The following AHI1 variants were observed in gnomAD, a reference collection of about 807,000 sequenced individuals.
The protein encoded by AHI1 is jouberin.
A neutral mutation model predicts 149.3 loss-of-function variants in AHI1; 123 were observed. That is an observed-to-expected ratio of 0.82 (90% CI 0.71 to 0.96). The LOEUF (loss-of-function observed/expected upper bound fraction) is 0.96. AHI1 is among the 40% of genes least tolerant of loss of function. AHI1 has a pLI of 0.00. For synonymous variants in AHI1, 475 were observed against 459.8 expected, an observed-to-expected ratio of 1.03 and a Z score of -0.42; for missense variants, 1,439 against 1,422.7, an observed-to-expected ratio of 1.01 and a Z score of -0.18.
At position 135,463,119 on chromosome 6, in the gene AHI1, G is replaced by T; in HGVS notation, c.931+6C>A. 6.4e-7 allele frequency: 1 copy of T among 1,565,420 alleles called. No homozygotes were observed. The highest frequency in any genetic ancestry group is 8.6e-7 in the Non-Finnish European group (1 of 1,157,236). ...CACAATTTTTCATTTAATTTGTATAGCAAACCTGCTTTAGTCTTCTTTTTT... is the reference window on the plus strand; with the variant it reads ...CACAATTTTTCATTTAATTTGTATATCAAACCTGCTTTAGTCTTCTTTTTT... On this transcript the variant is annotated splice_donor_region_variant and intron_variant, in intron 8 of 28. Transcript: ENST00000265602.
intron 11 of AHI1, 117 bp downstream of exon 11, chr6:135,453,224 C>T (rs1583304819): frequency 1.3e-6 from 1 of 787,764 alleles, no homozygotes; most frequent in East Asian, 2.7e-5. Context: ...ACTCTTCATC[C>T]CTACAACATT....
intron 24 of AHI1, among the ~76,000 whole-genome samples, chr6:135,357,681 A>G (rs546778258): frequency 5.9e-5 from 9 of 152,362 alleles, no homozygotes; most frequent in Non-Finnish European, 1.2e-4. Flanking sequence ...CAGAGACTAA[A>G]AGGGAAATCT....
intron 18 of AHI1, 89 bp downstream of exon 18, chr6:135,429,793 T>C: frequency 1.2e-6 from 1 of 819,648 alleles, no homozygotes; most frequent in Non-Finnish European, 1.9e-6. Flanking sequence ...CACTGCTTAG[T>C]TGAGAACCAC....
At chr6:135,434,528 G>C (rs1270364505) in intron 15 of AHI1, among the ~76,000 whole-genome samples, 1 of 151,698 alleles carries the variant, frequency 6.6e-6, no homozygotes, top group African/African-American at 2.4e-5. Context: ...CTATATAACA[G>C]GCAGAAATGA....
At chr6:135,489,953 G>T in intron 5 of AHI1, 1 of 371,018 alleles carries the variant, frequency 2.7e-6, no homozygotes, top group Non-Finnish European at 4.8e-6. Flanking sequence ...TTTTTTCTGT[G>T]AGGACAGAAG....
chr6:135,470,632 G>T (rs1791532030), intron 5 of AHI1, among the ~76,000 whole-genome samples: 1 of 152,048 alleles, frequency 6.6e-6, no homozygotes, highest in Admixed American at 6.5e-5. Flanking sequence ...ATACTAGGCA[G>T]CCATAAAAAG....
At chr6:135,458,003 G>C (rs1186732663) in intron 8 of AHI1, among the ~76,000 whole-genome samples, 1 of 151,940 alleles carries the variant, frequency 6.6e-6, no homozygotes, top group Non-Finnish European at 1.5e-5. Context: ...ACTTTATCCA[G>C]GTATTTTCTA....
intron 8 of AHI1, among the ~76,000 whole-genome samples, chr6:135,460,488 G>T (rs532568796): frequency 2.6e-5 from 4 of 152,120 alleles, no homozygotes; most frequent in African/African-American, 9.7e-5. Context: ...TCTTTAGAGA[G>T]TTGTTATGCT....
chr6:135,359,587 G>A (rs1229044931), intron 23 of AHI1, among the ~76,000 whole-genome samples: 1 of 152,042 alleles, frequency 6.6e-6, no homozygotes, highest in Non-Finnish European at 1.5e-5. Flanking sequence ...AGAATAAATT[G>A]AGAAATCCCA....
At chr6:135,397,642 T>A (rs1006155591) in intron 22 of AHI1, among the ~76,000 whole-genome samples, 1 of 152,086 alleles carries the variant, frequency 6.6e-6, no homozygotes, top group African/African-American at 2.4e-5. Flanking sequence ...TTAATTTTCA[T>A]GTTAAAAAAC....
chr6:135,444,296 C>G (rs920563586), intron 13 of AHI1, among the ~76,000 whole-genome samples: 1 of 152,172 alleles, frequency 6.6e-6, no homozygotes, highest in Non-Finnish European at 1.5e-5. Flanking sequence ...ATTTTTCTCA[C>G]TCACCCGAAA....
At position 135,467,566 on chromosome 6, in the gene AHI1, G is replaced by A. The variant is rs769125088; in HGVS notation, c.189+15C>T. 2 of 1,595,066 alleles carry A rather than the reference G, an allele frequency of 1.3e-6. No individual in the cohort carries two copies. The highest frequency in any genetic ancestry group is 2.2e-5 in the South Asian group (2 of 90,532). ...TCATGCTCTTCTTCAGGCTGTTAGT[G>A]TTAGCAGTACTTACATCATCACTTG... On this transcript the variant is annotated intron_variant, in intron 6 of 28. Coordinates refer to ENST00000265602, the MANE Select transcript of AHI1 (RefSeq NM_001134831.2).
intron 24 of AHI1, 33 bp from the exon 25 acceptor site, chr6:135,323,357 CACA>C: frequency 6.2e-7 from 1 of 1,602,842 alleles, no homozygotes; most frequent in African/African-American, 1.3e-5. Context: ...ACAGCTTTAT[CACA>C]ACTGTACCAC....
intron 22 of AHI1, among the ~76,000 whole-genome samples, chr6:135,404,191 A>G (rs914095422): frequency 6.6e-6 from 1 of 152,192 alleles, no homozygotes; most frequent in African/African-American, 2.4e-5. Context: ...GGGAGTGGAC[A>G]GAAGAGGGAA....
chr6:135,478,833 G>A (rs1383732557), intron 5 of AHI1, among the ~76,000 whole-genome samples: 1 of 152,234 alleles, frequency 6.6e-6, no homozygotes, highest in Admixed American at 6.5e-5. Context: ...ATGGTTTCAT[G>A]GGCCAGGCCC....
Position 135,361,645 on chromosome 6 carries a change from TCACACACACACACACACACACA to T in AHI1, c.3110-3480_3110-3459del, listed in dbSNP as rs57786531. Reference sequence around the variant, plus strand: ...AATCAGGAGGTACCTAGGTATGGTTTCACACACACACACACACACACACACACACACACACACACACACACAC... The same window carrying T: ...AATCAGGAGGTACCTAGGTATGGTTTCACACACACACACACACACACACAC... On this transcript the variant is annotated intron_variant, in intron 23 of 28. Transcript: ENST00000265602. 7.5e-5 allele frequency among the ~76,000 whole-genome samples: 10 copies of T among 133,902 alleles called. No homozygotes were observed. The South Asian group carries it at 1.1e-3, about 14-fold the overall frequency. 87.8% of individuals were successfully genotyped at this position (133,902 alleles called of 152,430 possible).
chr6:135,294,698 C>CAAAAAAAAAAAAAAAAAAAAAAAAAGAA (rs56734547), intron 27 of AHI1, among the ~76,000 whole-genome samples: 3 of 68,016 alleles, frequency 4.4e-5, no homozygotes, highest in Non-Finnish European at 9.0e-5. Context: ...TCTCCAAATG[C>CAAAAAAAAAAAAAAAAAAAAAAAAAGAA]AAAAAAAAAA....
chr6:135,465,744 T>A, intron 7 of AHI1, 70 bp downstream of exon 7: 1 of 1,277,114 alleles, frequency 7.8e-7, no homozygotes, highest in Non-Finnish European at 1.0e-6. Flanking sequence ...AAACCACAGA[T>A]AATATTCAAA....
chr6:135,302,112 C>T, intron 26 of AHI1: 1 of 981,100 alleles, frequency 1.0e-6, no homozygotes, highest in Non-Finnish European at 1.2e-6. Context: ...CCGCCTCAGC[C>T]TTCTGAGTTG....
Sources: gnomAD v4.1 joint callset for allele counts (sites outside exome capture counted in the v4.1 genomes callset) on GRCh38, gnomAD v4.1.1 for gene constraint, MANE v1.5 for transcripts, NCBI Gene and HGNC (gene_info 2026-07-23, HGNC 2026-07-21) for gene names.